The following MYOM3 variants were observed in gnomAD, a reference collection of about 807,000 sequenced individuals.
MYOM3 encodes myomesin 3.
MYOM3 carries 155 observed loss-of-function variants against 191.7 expected under a neutral mutation model. That is an observed-to-expected ratio of 0.81 (90% CI 0.71 to 0.92). MYOM3 has a LOEUF of 0.92. MYOM3 is among the 40% of genes least tolerant of loss of function. MYOM3 has a pLI of 0.00. For missense variants in MYOM3, 1,889 were observed against 1,890.6 expected (o/e 1.00, Z 0.02); for synonymous variants, 757 against 762.9 (o/e 0.99, Z 0.13).
At chr1:24,110,201 A>G (rs1037473970) in intron 1 of MYOM3, among the ~76,000 whole-genome samples, 1 of 152,158 alleles carries the variant, frequency 6.6e-6, no homozygotes, top group African/African-American at 2.4e-5. Context: ...GGCTTCTGGC[A>G]TGGGAGGGTT....
intron 4 of MYOM3, 102 bp from the exon 5 acceptor site, chr1:24,106,179 C>A: frequency 3.8e-6 from 5 of 1,331,534 alleles, no homozygotes; most frequent in Non-Finnish European, 5.0e-6. Flanking sequence ...TAGTTAGACC[C>A]ACATGGGCTG....
At chr1:24,104,037 G>A (rs983969048) in intron 5 of MYOM3, among the ~76,000 whole-genome samples, 24 of 152,212 alleles carry the variant, frequency 1.6e-4, no homozygotes, top group African/African-American at 5.8e-4. Context: ...GGAGACCTGA[G>A]TTTGAATCCT....
chr1:24,066,878 G>A (rs1242455144), intron 28 of MYOM3, 143 bp downstream of exon 28: 2 of 732,122 alleles, frequency 2.7e-6, no homozygotes, highest in Non-Finnish European at 2.2e-6. Context: ...TGGTCTCCTC[G>A]GGGGTACTTT....
In MYOM3 at chr1:24,108,661, A is replaced by G; in HGVS notation, c.-18-7T>C. ...TGGTTACGAGAGCAACAACCTGTGAAGGCCAAGGTCCACGGTCATTCCACC... is the reference window on the plus strand; with the variant it reads ...TGGTTACGAGAGCAACAACCTGTGAGGGCCAAGGTCCACGGTCATTCCACC... On this transcript the variant is annotated splice_region_variant and splice_polypyrimidine_tract_variant and intron_variant, in intron 1 of 36. Transcript: ENST00000374434. The G allele has an allele frequency of 6.5e-7, 1 of 1,530,596 alleles. No individual in the cohort carries two copies. The highest frequency in any genetic ancestry group is 2.6e-5 in the East Asian group (1 of 38,934). 94.8% of individuals were successfully genotyped at this position (1,530,596 alleles called of 1,614,324 possible).
At chr1:24,061,867 C>A in intron 33 of MYOM3, 79 bp downstream of exon 33, 1 of 1,511,776 alleles carries the variant, frequency 6.6e-7, no homozygotes, top group South Asian at 1.2e-5. Flanking sequence ...GCTGGGATTA[C>A]AGGACTGACC....
In MYOM3 at chr1:24,082,650, C is replaced by T; in HGVS notation, c.2035G>A (p.Ala679Thr). Reference sequence around the variant, plus strand: ...GCGGCTGAGCTCTCGCCTACCCCAGCCTCGCTGACTGACCTGACACAAAAC... The same window carrying T: ...GCGGCTGAGCTCTCGCCTACCCCAGTCTCGCTGACTGACCTGACACAAAAC... ...YEFCVRSVSE[A>T]GVGESSAATE... The change falls in exon 17 of 37, where the codon GCT (alanine) becomes ACT (threonine). Residue 679 changes from alanine (A) to threonine (T), a missense_variant. Transcript: ENST00000374434. 1 of 1,612,760 alleles carries T rather than the reference C, an allele frequency of 6.2e-7. No individual in the cohort carries two copies. Among genetic ancestry groups the T allele is most frequent in the Non-Finnish European group, 8.5e-7 (1 of 1,179,534 alleles).
intron 9 of MYOM3, among the ~76,000 whole-genome samples, chr1:24,093,775 T>TAGGG (rs1643864259): frequency 6.6e-6 from 1 of 152,150 alleles, no homozygotes; most frequent in African/African-American, 2.4e-5. Context: ...TCAGCCTTGT[T>TAGGG]ATTGCAGCTG....
Position 24,059,414 on chromosome 1 carries a change from C to T in MYOM3, c.3995-435G>A, listed in dbSNP as rs144001603. 4.6e-5 allele frequency among the ~76,000 whole-genome samples: 7 copies of T among 152,384 alleles called. No individual in the cohort carries two copies. The East Asian group carries it at 1.2e-3, about 25-fold the overall frequency. ...CCTCCCAGAGTGGTGGGATTATAGG[C>T]ATGAGCCGCCACACCTGGCCTTGGA... On this transcript the variant is annotated intron_variant, in intron 35 of 36. Transcript: ENST00000374434.
At chr1:24,066,463 A>G (rs1304432972) in intron 28 of MYOM3, 3 of 553,392 alleles carry the variant, frequency 5.4e-6, no homozygotes, top group Non-Finnish European at 9.7e-6. Context: ...TGCTTCTGGG[A>G]GAGCACCCAC....
At chr1:24,106,120 A>G (rs1429676449) in intron 4 of MYOM3, 43 bp from the exon 5 acceptor site, 2 of 1,545,072 alleles carry the variant, frequency 1.3e-6, no homozygotes, top group East Asian at 4.6e-5. Flanking sequence ...GCCAGGGACC[A>G]CCTCTCTGCC....
intron 20 of MYOM3, among the ~76,000 whole-genome samples, chr1:24,077,371 T>A (rs1643615198): frequency 6.6e-6 from 1 of 152,218 alleles, no homozygotes; most frequent in African/African-American, 2.4e-5. Context: ...GGCCTTAGCC[T>A]GTTGTCCTCT....
chr1:24,087,589 C>G lies in MYOM3; in HGVS notation c.1615-762G>C, dbSNP rs971762839. On this transcript the variant is annotated intron_variant, in intron 14 of 36. Coordinates refer to ENST00000374434, the MANE Select transcript of MYOM3 (RefSeq NM_152372.4). This position sits in a 1 kb window ranked among gnomAD's most constrained non-coding sequence, Gnocchi z 4.5. ...TCCCTCAGCCTGGAATGTTCTTCTCCGAGAAATCTCTTGGCTTCCTGTAGG... is the reference window on the plus strand; with the variant it reads ...TCCCTCAGCCTGGAATGTTCTTCTCGGAGAAATCTCTTGGCTTCCTGTAGG... Among the ~76,000 whole-genome samples the G allele has an allele frequency of 6.6e-6, 1 of 152,114 alleles. No homozygotes were observed. The highest frequency in any genetic ancestry group is 1.5e-5 in the Non-Finnish European group (1 of 68,032).
rs148494874 is a variant in MYOM3 at position 24,087,337 on chromosome 1, G to C, written c.1615-510C>G. Among the ~76,000 whole-genome samples, 1 of 151,988 alleles carries C rather than the reference G, an allele frequency of 6.6e-6. No individual in the cohort carries two copies. Among genetic ancestry groups the C allele is most frequent in the African/African-American group, 2.4e-5 (1 of 41,376 alleles). The stretch of plus-strand genomic sequence containing the variant: ...CCATTTCTACCTATAACCCCCTTCC[G>C]TCTTGTCTCAAATGGCCATCAGGGG... On this transcript the variant is annotated intron_variant, in intron 14 of 36. Coordinates refer to ENST00000374434, the MANE Select transcript of MYOM3 (RefSeq NM_152372.4). This position sits in a 1 kb window ranked among gnomAD's most constrained non-coding sequence, Gnocchi z 4.5.
chr1:24,081,487 T>C, intron 18 of MYOM3, 31 bp from the exon 19 acceptor site: 5 of 1,607,838 alleles, frequency 3.1e-6, no homozygotes, highest in Non-Finnish European at 4.3e-6. Flanking sequence ...ACTATGAGGC[T>C]GAGGCTGGAG....
chr1:24,068,200 G>GGGCGAGGCTGGGCAT lies in MYOM3; in HGVS notation c.3295+8_3295+22dup, dbSNP rs56961589. 8,198 of 1,610,066 alleles carry GGGCGAGGCTGGGCAT rather than the reference G, an allele frequency of 5.1e-3. 417 individuals carry two copies. In the African/African-American group the frequency reaches 0.099, roughly 19 times the overall value. ...GGGCAGGGCGGGGCAGGGCTGGGCG[G>GGGCGAGGCTGGGCAT]GGCGAGGCTGGGCATGGCTGACCGT... On this transcript the variant is annotated intron_variant, in intron 26 of 36. Transcript: ENST00000374434.
chr1:24,093,777 T>TCC (rs1643864270), intron 9 of MYOM3, among the ~76,000 whole-genome samples: 1 of 152,180 alleles, frequency 6.6e-6, no homozygotes, highest in African/African-American at 2.4e-5. Flanking sequence ...AGCCTTGTTA[T>TCC]TGCAGCTGTC....
chr1:24,068,028 A>C lies in MYOM3; in HGVS notation c.3297T>G (p.Asp1099Glu), dbSNP rs1392235606. The change falls in exon 27 of 37, where the codon GAT becomes GAG. Residue 1099 changes from aspartate to glutamate, a missense_variant and splice_region_variant. Transcript: ENST00000374434. ...CTGCCTTCCTCAGAAGCTTGTCAAA[A>C]TCTGTGAACACAGAGGGAGGAACTG... ...NQITLTLVDD[D>E]FDKLLRKADA... 1 of 1,613,990 alleles carries C rather than the reference A, an allele frequency of 6.2e-7. No homozygotes were observed. Among genetic ancestry groups the C allele is most frequent in the East Asian group, 2.2e-5 (1 of 44,890 alleles).
In MYOM3 at chr1:24,087,435, G is replaced by A. The variant is rs1054386330; in HGVS notation, c.1615-608C>T. Among the ~76,000 whole-genome samples, 1 of 152,018 alleles carries A rather than the reference G, an allele frequency of 6.6e-6. No homozygotes were observed. The highest frequency in any genetic ancestry group is 1.9e-4 in the East Asian group (1 of 5,174). On this transcript the variant is annotated intron_variant, in intron 14 of 36. Coordinates refer to ENST00000374434, the MANE Select transcript of MYOM3 (RefSeq NM_152372.4). This position sits in a 1 kb window ranked among gnomAD's most constrained non-coding sequence, Gnocchi z 4.5. ...CCTCCCACGTCCCGCATCTCCCTCA[G>A]AGCAAAAGCTTCCCCATCGCCTGAC...
Position 24,071,263 on chromosome 1 carries a change from G to A in MYOM3, c.3014-10C>T, listed in dbSNP as rs1643529387. The A allele has an allele frequency of 2.5e-6, 4 of 1,607,016 alleles. No homozygotes were observed. The highest frequency in any genetic ancestry group is 2.5e-6 in the Non-Finnish European group (3 of 1,176,552). On this transcript the variant is annotated splice_polypyrimidine_tract_variant and intron_variant, in intron 24 of 36. Coordinates refer to ENST00000374434, the MANE Select transcript of MYOM3 (RefSeq NM_152372.4). ...GAGATCAGTTTGATCACTGGGAGGC[G>A]CAGGACGGGAAGGGGGTGGGTTGGA...
Sources: gnomAD v4.1 joint callset for allele counts (sites outside exome capture counted in the v4.1 genomes callset) on GRCh38, gnomAD v4.1.1 for gene constraint, Gnocchi (gnomAD v3.1) non-coding constraint, MANE v1.5 for transcripts, NCBI Gene and HGNC (gene_info 2026-07-23, HGNC 2026-07-21) for gene names.